Variants in GALNT13 observed in about 807,000 individuals in gnomAD.
GALNT13 encodes the protein UDP-GalNAc:polypeptide N-acetylgalactosaminyltransferase 13.
A neutral mutation model predicts 64.2 loss-of-function variants in GALNT13; 28 were observed. The ratio of observed to expected loss-of-function variants is 0.44; its 90% CI spans 0.32 to 0.60. The LOEUF (loss-of-function observed/expected upper bound fraction) is 0.60, where lower values mean the gene tolerates loss of function less well. GALNT13 is among the 20% of genes least tolerant of loss of function. The pLI is 0.05. For synonymous variants in GALNT13, 214 were observed against 224.6 expected (o/e 0.95, Z 0.42); for missense variants, 577 against 669.8 (o/e 0.86, Z 1.53).
the GALNT13 span, among the ~76,000 whole-genome samples, chr2:153,866,556 A>T: frequency 0.23 from 34,589 of 152,122 alleles, 5,152 homozygotes; most frequent in Middle Eastern, 0.4. Flanking sequence ...TATGGATAAT[A>T]AGATAAACTA....
At chr2:154,091,573 A>T (rs1701811857) in intron 3 of GALNT13, among the ~76,000 whole-genome samples, 1 of 151,822 alleles carries the variant, frequency 6.6e-6, no homozygotes, top group African/African-American at 2.4e-5. Flanking sequence ...AATATATTTC[A>T]TTCTTAAATG....
chr2:153,696,052 A>G, the GALNT13 span, among the ~76,000 whole-genome samples: 1 of 152,154 alleles, frequency 6.6e-6, no homozygotes, highest in African/African-American at 2.4e-5. Flanking sequence ...ATTGATACAC[A>G]CAATCACAAG....
chr2:153,951,446 A>G (rs1231681085), intron 3 of GALNT13, among the ~76,000 whole-genome samples: 1 of 152,158 alleles, frequency 6.6e-6, no homozygotes, highest in Non-Finnish European at 1.5e-5. Context: ...ATGTCTGCTT[A>G]GAGCAAAATA....
chr2:154,367,179 G>T (rs1308484817), intron 9 of GALNT13, among the ~76,000 whole-genome samples: 1 of 152,104 alleles, frequency 6.6e-6, no homozygotes, highest in East Asian at 1.9e-4. Flanking sequence ...TAAATGAGAT[G>T]AAACATAAGT....
intron 2 of GALNT13, among the ~76,000 whole-genome samples, chr2:153,933,618 C>A (rs368072631): frequency 6.6e-6 from 1 of 150,850 alleles, no homozygotes; most frequent in Non-Finnish European, 1.5e-5. Flanking sequence ...TAGATTTGAT[C>A]CTGTCATCAT....
the GALNT13 span, among the ~76,000 whole-genome samples, chr2:153,611,528 C>T: frequency 1.1e-4 from 16 of 151,872 alleles, no homozygotes; most frequent in African/African-American, 3.9e-4. Context: ...GCCACCACGC[C>T]AGGCTAATTT....
At chr2:153,429,984 A>G in the GALNT13 span, among the ~76,000 whole-genome samples, 1 of 152,170 alleles carries the variant, frequency 6.6e-6, no homozygotes, top group Non-Finnish European at 1.5e-5. Context: ...TGTTGTATTT[A>G]TAATAAATCT....
chr2:153,791,239 G>T, the GALNT13 span, among the ~76,000 whole-genome samples: 2 of 152,128 alleles, frequency 1.3e-5, no homozygotes, highest in Non-Finnish European at 2.9e-5. Flanking sequence ...CTCGAAAGAA[G>T]ACATACCTGT....
intron 3 of GALNT13, among the ~76,000 whole-genome samples, chr2:154,133,215 T>C (rs1412178307): frequency 2.0e-5 from 3 of 152,150 alleles, no homozygotes; most frequent in African/African-American, 7.2e-5. Flanking sequence ...CCAGTTTGTG[T>C]TGAGGTATTG....
At chr2:153,571,592 T>C in the GALNT13 span, among the ~76,000 whole-genome samples, 1 of 151,992 alleles carries the variant, frequency 6.6e-6, no homozygotes, top group Non-Finnish European at 1.5e-5. Context: ...GTGTGCCATA[T>C]ATAGCTTTTA....
the GALNT13 span, among the ~76,000 whole-genome samples, chr2:153,719,381 T>C: frequency 6.6e-6 from 1 of 152,184 alleles, no homozygotes; most frequent in Admixed American, 6.5e-5. Context: ...ACCTCTTCAA[T>C]TTGTAATTGA....
the GALNT13 span, among the ~76,000 whole-genome samples, chr2:153,386,553 G>A: frequency 6.6e-6 from 1 of 152,050 alleles, no homozygotes; most frequent in Admixed American, 6.6e-5. Flanking sequence ...AGGGATCTGA[G>A]TTGGGCCAGA....
intron 3 of GALNT13, among the ~76,000 whole-genome samples, chr2:154,008,876 C>T (rs182322642): frequency 3.9e-4 from 60 of 152,156 alleles, no homozygotes; most frequent in African/African-American, 1.4e-3. Flanking sequence ...CATGTATTTA[C>T]TATTGTGAAT....
intron 3 of GALNT13, among the ~76,000 whole-genome samples, chr2:154,020,893 A>G (rs903111746): frequency 2.4e-4 from 37 of 151,982 alleles, no homozygotes; most frequent in African/African-American, 7.2e-4. Context: ...TGTAAGGAAG[A>G]GATCCAGTTT....
the GALNT13 span, among the ~76,000 whole-genome samples, chr2:153,675,101 G>C: frequency 1.3e-5 from 2 of 152,158 alleles, no homozygotes; most frequent in South Asian, 4.1e-4. Flanking sequence ...GTTTGCAGGA[G>C]TGTAAATTAG....
the GALNT13 span, among the ~76,000 whole-genome samples, chr2:153,259,017 G>T: frequency 2.0e-5 from 3 of 152,202 alleles, no homozygotes; most frequent in Admixed American, 6.5e-5. Context: ...TCTCTTTCTG[G>T]ATGATCTGTC....
the GALNT13 span, among the ~76,000 whole-genome samples, chr2:153,751,252 C>T: frequency 1.3e-5 from 2 of 151,898 alleles, no homozygotes; most frequent in Non-Finnish European, 2.9e-5. Flanking sequence ...TGAGAATGAG[C>T]CATGTGCTGA....
chr2:153,771,121 T>A, the GALNT13 span, among the ~76,000 whole-genome samples: 1 of 152,106 alleles, frequency 6.6e-6, no homozygotes. Flanking sequence ...ATGTGCCTAA[T>A]ACATGGAAAT....
the GALNT13 span, among the ~76,000 whole-genome samples, chr2:153,258,524 T>C: frequency 6.6e-6 from 1 of 152,232 alleles, no homozygotes; most frequent in South Asian, 2.1e-4. Context: ...CTTCCTTTTG[T>C]AGTTCTTTAA....
Sources: allele counts gnomAD v4.1 joint callset (sites outside exome capture counted in the v4.1 genomes callset), GRCh38; gene constraint gnomAD v4.1.1; transcripts MANE v1.5; gene names NCBI Gene and HGNC (gene_info 2026-07-23, HGNC 2026-07-21).